Variants in RGS6 observed in about 807,000 individuals in gnomAD.
The protein encoded by RGS6 is regulator of G protein signaling 6, also known as regulator of G-protein signaling 6.
Under a neutral mutation model 78.5 loss-of-function variants are expected in RGS6, and 30 were observed. The observed-to-expected ratio is 0.38, with a 90% confidence interval of 0.29 to 0.52. The LOEUF is 0.52. Among genes scored for constraint, RGS6 ranks in the 20% least tolerant of loss-of-function variants. The probability of loss-of-function intolerance (pLI) is 0.85; values close to 1 mark genes in which losing one functional copy is unlikely to be tolerated. For missense variants in RGS6, 495 were observed against 609.7 expected, an observed-to-expected ratio of 0.81 and a Z score of 1.98; for synonymous variants, 206 against 206.0, an observed-to-expected ratio of 1.00 and a Z score of 0.00.
chr14:72,497,562 AATGTTTTAATTAAAAACAT>A (rs2153420243), intron 13 of RGS6, among the ~76,000 whole-genome samples: 1 of 152,232 alleles, frequency 6.6e-6, no homozygotes, highest in East Asian at 1.9e-4. Context: ...TTAACTTTTA[AATGTTTTAATTAAAAACAT>A]CATCGATTTA....
At chr14:72,093,903 G>C (rs1160242988) in intron 2 of RGS6, among the ~76,000 whole-genome samples, 1 of 152,126 alleles carries the variant, frequency 6.6e-6, no homozygotes, top group Non-Finnish European at 1.5e-5. Flanking sequence ...CCAGGTTCTA[G>C]AGGTAAACAG....
intron 2 of RGS6, among the ~76,000 whole-genome samples, chr14:72,058,611 A>G (rs914399648): frequency 6.6e-5 from 10 of 152,186 alleles, no homozygotes; most frequent in Admixed American, 5.9e-4. Context: ...CAGATAAATA[A>G]ATTGAAGTTC....
At chr14:72,357,350 A>G (rs1469038312) in intron 3 of RGS6, among the ~76,000 whole-genome samples, 5 of 152,262 alleles carry the variant, frequency 3.3e-5, no homozygotes, top group African/African-American at 4.8e-5. Flanking sequence ...GCTCAGAAGA[A>G]GACAAGAATA....
At chr14:72,419,916 A>G (rs957269611) in intron 3 of RGS6, among the ~76,000 whole-genome samples, 4 of 152,212 alleles carry the variant, frequency 2.6e-5, no homozygotes, top group Non-Finnish European at 1.5e-5. Flanking sequence ...AGAGAAGTAG[A>G]GCAAAATGGT....
intron 12 of RGS6, among the ~76,000 whole-genome samples, chr14:72,492,990 G>A (rs1047739903): frequency 6.6e-6 from 1 of 152,046 alleles, no homozygotes; most frequent in Non-Finnish European, 1.5e-5. Context: ...CCTGCCCTAG[G>A]GAAAAATAGA....
At chr14:72,531,042 T>C (rs967872343) in intron 15 of RGS6, among the ~76,000 whole-genome samples, 5 of 152,260 alleles carry the variant, frequency 3.3e-5, no homozygotes, top group Non-Finnish European at 5.9e-5. Flanking sequence ...GCTGGATTTT[T>C]GTCTGAAATT....
intron 2 of RGS6, among the ~76,000 whole-genome samples, chr14:72,009,991 G>A (rs535858298): frequency 2.0e-5 from 3 of 152,288 alleles, no homozygotes; most frequent in South Asian, 2.1e-4. Context: ...AGAATCAATC[G>A]CAGTGGCAGC....
At chr14:72,553,007 G>A (rs182262194) in intron 17 of RGS6, among the ~76,000 whole-genome samples, 213 of 152,352 alleles carry the variant, frequency 1.4e-3, no homozygotes, top group Non-Finnish European at 2.5e-3. Flanking sequence ...GTAAGTGCCT[G>A]TGGTCTCAAC....
intron 2 of RGS6, among the ~76,000 whole-genome samples, chr14:72,154,333 T>A (rs2096739170): frequency 6.6e-6 from 1 of 152,196 alleles, no homozygotes; most frequent in Non-Finnish European, 1.5e-5. Flanking sequence ...ATTATCACAG[T>A]GATCCTGAGG....
At position 72,454,531 on chromosome 14, in the gene RGS6, C is replaced by A; in HGVS notation, c.188C>A (p.Thr63Asn). Residue 63 changes from threonine to asparagine, a missense_variant, in exon 4 of 18, where the codon ACT becomes AAT. Physicochemically the swap from Thr to Asn is moderately conservative, Grantham distance 65 (BLOSUM62 0). Coordinates refer to ENST00000553525, the MANE Select transcript of RGS6 (RefSeq NM_001204424.2). ...TGAAATTGCTTTATCGTTGCAGGTA[C>A]TGACATTGTGCAGTGGCTTATGAAG... ...LSKIPSVVTG[T>N]DIVQWLMKNL... is the part of the protein sequence containing the mutation. 3.1e-6 allele frequency: 5 copies of A among 1,614,112 alleles called. No homozygotes were observed. Among genetic ancestry groups the A allele is most frequent in the Non-Finnish European group, 3.4e-6 (4 of 1,180,008 alleles).
chr14:72,162,405 A>G (rs1332546899), intron 2 of RGS6, among the ~76,000 whole-genome samples: 1 of 152,186 alleles, frequency 6.6e-6, no homozygotes, highest in Non-Finnish European at 1.5e-5. Flanking sequence ...AAATGAAACC[A>G]GAGGAATTTC....
intron 2 of RGS6, among the ~76,000 whole-genome samples, chr14:72,319,964 T>G (rs560290248): frequency 6.6e-6 from 1 of 152,154 alleles, no homozygotes; most frequent in Non-Finnish European, 1.5e-5. Context: ...TACAGAAAAT[T>G]TGCTAAAGAA....
chr14:72,083,997 C>G (rs573249424), intron 2 of RGS6, among the ~76,000 whole-genome samples: 1 of 152,226 alleles, frequency 6.6e-6, no homozygotes, highest in Non-Finnish European at 1.5e-5. Flanking sequence ...TAATGATATT[C>G]CATGTTGTAT....
chr14:71,932,024 G>A (rs1337856431), upstream of RGS6, among the ~76,000 whole-genome samples: 2 of 152,214 alleles, frequency 1.3e-5, no homozygotes, highest in African/African-American at 2.4e-5. Flanking sequence ...AGAAGCCGCC[G>A]GGCACCTCAC....
Position 72,406,884 on chromosome 14 carries a change from G to A in RGS6, c.185-47644G>A, listed in dbSNP as rs549386358. Among the ~76,000 whole-genome samples the A allele has an allele frequency of 6.0e-4, 92 of 152,186 alleles. 1 individual carries two copies. Among genetic ancestry groups the A allele is most frequent in the African/African-American group, 2.1e-3 (88 of 41,530 alleles). Reference sequence around the variant, plus strand: ...GAAGGGTAGGCATGGCTGCAGCTTGGGTTGTGCCCACCATGTGGATATCCA... The same window carrying A: ...GAAGGGTAGGCATGGCTGCAGCTTGAGTTGTGCCCACCATGTGGATATCCA... On this transcript the variant is annotated intron_variant, in intron 3 of 17. Transcript: ENST00000553525.
At chr14:72,271,864 C>T (rs2059991353) in intron 2 of RGS6, among the ~76,000 whole-genome samples, 2 of 151,964 alleles carry the variant, frequency 1.3e-5, no homozygotes, top group Non-Finnish European at 2.9e-5. Flanking sequence ...GGCTCTTTGC[C>T]CCTTCCCTTC....
chr14:72,430,998 A>G (rs2094607180), intron 3 of RGS6, among the ~76,000 whole-genome samples: 1 of 152,136 alleles, frequency 6.6e-6, no homozygotes, highest in Non-Finnish European at 1.5e-5. Context: ...ATCCAACTGA[A>G]GGGGTGAAGT....
chr14:72,153,853 A>C (rs1233791635), intron 2 of RGS6, among the ~76,000 whole-genome samples: 1 of 152,206 alleles, frequency 6.6e-6, no homozygotes, highest in Non-Finnish European at 1.5e-5. Flanking sequence ...TCAGTGGTGC[A>C]CGTATTATCT....
At chr14:71,921,026 T>A in the RGS6 span, among the ~76,000 whole-genome samples, 2 of 152,026 alleles carry the variant, frequency 1.3e-5, no homozygotes, top group Non-Finnish European at 2.9e-5. Context: ...TAACTTGATT[T>A]AAAAAAAGGG....
Sources: gnomAD v4.1 joint callset for allele counts (sites outside exome capture counted in the v4.1 genomes callset) on GRCh38, gnomAD v4.1.1 for gene constraint, MANE v1.5 for transcripts, NCBI Gene and HGNC (gene_info 2026-07-23, HGNC 2026-07-21) for gene names.